The following NLK variants were observed in gnomAD, a reference collection of about 807,000 sequenced individuals.
NLK encodes the protein nemo like kinase, also known as serine/threonine-protein kinase NLK.
A neutral mutation model predicts 59.0 loss-of-function variants in NLK; 11 were observed. The ratio of observed to expected loss-of-function variants is 0.19; its 90% CI spans 0.12 to 0.31. The LOEUF (loss-of-function observed/expected upper bound fraction) is 0.31. Among genes scored for constraint, NLK ranks in the 10% least tolerant of loss-of-function variants. NLK has a pLI of 1.00. For missense variants in NLK, 410 were observed against 661.1 expected (o/e 0.62, Z 4.16); for synonymous variants, 235 against 235.9 (o/e 1.00, Z 0.03).
At chr17:28,135,074 T>A (rs753101167) in intron 3 of NLK, among the ~76,000 whole-genome samples, 11 of 152,228 alleles carry the variant, frequency 7.2e-5, no homozygotes, top group Non-Finnish European at 8.8e-5. Flanking sequence ...CTTTATTCTT[T>A]TTAGTTGGTG....
intron 5 of NLK, among the ~76,000 whole-genome samples, chr17:28,167,610 G>T (rs921744724): frequency 1.3e-5 from 2 of 151,422 alleles, no homozygotes; most frequent in African/African-American, 4.8e-5. Flanking sequence ...AGCACTTTGG[G>T]AGGCCAAGGC....
At chr17:28,172,726 A>AT (rs35713608) in intron 7 of NLK, 108 bp downstream of exon 7, 2,991 of 434,258 alleles carry the variant, frequency 6.9e-3, no homozygotes, top group East Asian at 8.4e-3. Context: ...TATCTGTAGG[A>AT]TTTTTTTTTT....
At chr17:28,170,563 A>G (rs1908420525) in intron 6 of NLK, among the ~76,000 whole-genome samples, 1 of 152,208 alleles carries the variant, frequency 6.6e-6, no homozygotes, top group Non-Finnish European at 1.5e-5. Context: ...TACTTAATCT[A>G]ATGTTGGGTA....
chr17:28,094,870 G>A (rs1204617143), intron 1 of NLK, among the ~76,000 whole-genome samples: 1 of 152,146 alleles, frequency 6.6e-6, no homozygotes, highest in Non-Finnish European at 1.5e-5. Context: ...CAAGACTCTT[G>A]TCTCCTTTCT....
intron 1 of NLK, among the ~76,000 whole-genome samples, chr17:28,055,459 C>G (rs1909408285): frequency 6.6e-6 from 1 of 151,958 alleles, no homozygotes. Flanking sequence ...ACCTCAGCCT[C>G]CTGAGTAGCT....
chr17:28,199,665 C>CAAAAAAAAAAAAAAAA (rs1303411168), downstream of NLK, among the ~76,000 whole-genome samples: 1 of 33,574 alleles, frequency 3.0e-5, no homozygotes, highest in African/African-American at 1.1e-4. Context: ...GACTCTGTCT[C>CAAAAAAAAAAAAAAAA]AAAAAAAAAA....
chr17:28,081,322 A>AC (rs944766813), intron 1 of NLK, among the ~76,000 whole-genome samples: 3 of 151,932 alleles, frequency 2.0e-5, no homozygotes, highest in Non-Finnish European at 4.4e-5. Flanking sequence ...AGTAACTGGG[A>AC]CTACAGGTGT....
At chr17:28,175,291 C>CA (rs199656478) in intron 7 of NLK, among the ~76,000 whole-genome samples, 494 of 141,090 alleles carry the variant, frequency 3.5e-3, no homozygotes, top group African/African-American at 8.7e-3. Context: ...TAAAAAAATA[C>CA]AAAAAAAAAA....
At chr17:28,152,960 A>AT (rs536352068) in intron 3 of NLK, among the ~76,000 whole-genome samples, 50 of 148,114 alleles carry the variant, frequency 3.4e-4, no homozygotes, top group Middle Eastern at 3.4e-3. Flanking sequence ...TTTATTTTTT[A>AT]TTTTTTTTTC....
chr17:28,162,217 G>A (rs550254764), intron 4 of NLK, among the ~76,000 whole-genome samples: 8 of 152,094 alleles, frequency 5.3e-5, no homozygotes, highest in Admixed American at 1.3e-4. Context: ...GGGTTTCACC[G>A]TATTAGCCAG....
intron 1 of NLK, among the ~76,000 whole-genome samples, chr17:28,045,136 G>T (rs1032823556): frequency 6.6e-6 from 1 of 152,178 alleles, no homozygotes; most frequent in African/African-American, 2.4e-5. Context: ...AGCCATTCTA[G>T]AGGTTTTTAA....
chr17:28,084,957 ACTAAT>A (rs1910464652), intron 1 of NLK, among the ~76,000 whole-genome samples: 1 of 152,204 alleles, frequency 6.6e-6, no homozygotes, highest in African/African-American at 2.4e-5. Flanking sequence ...TCAGTATATG[ACTAAT>A]CTAATTTTAG....
At chr17:28,159,824 G>A (rs1907930554) in intron 3 of NLK, among the ~76,000 whole-genome samples, 1 of 152,138 alleles carries the variant, frequency 6.6e-6, no homozygotes, top group Non-Finnish European at 1.5e-5. Context: ...GCAGTCTTGG[G>A]CCAGAGTAGT....
rs767770174 is a variant in NLK at position 28,172,630 on chromosome 17, G to A, written c.1149+12G>A. The stretch of plus-strand genomic sequence containing the variant: ...GTCCTCATAAACAGGTGAGAGGAGG[G>A]GGGAATCTTTTTCTGGTAACCATCT... On this transcript the variant is annotated intron_variant, in intron 7 of 10. Coordinates refer to ENST00000407008, the MANE Select transcript of NLK (RefSeq NM_016231.5). 5.5e-6 allele frequency: 8 copies of A among 1,457,640 alleles called. No individual in the cohort carries two copies. The highest frequency in any genetic ancestry group is 4.6e-6 in the Non-Finnish European group (5 of 1,083,822). The allele number at this position is 1,457,640 out of a possible 1,614,324, so 90.3% of individuals were successfully genotyped here.
At chr17:28,128,361 A>G (rs905565021) in intron 2 of NLK, among the ~76,000 whole-genome samples, 2 of 152,188 alleles carry the variant, frequency 1.3e-5, no homozygotes, top group African/African-American at 4.8e-5. Context: ...ACTTGTTCCC[A>G]TAAAATATTA....
At chr17:28,093,456 A>C (rs1253312143) in intron 1 of NLK, among the ~76,000 whole-genome samples, 1 of 152,152 alleles carries the variant, frequency 6.6e-6, no homozygotes, top group Non-Finnish European at 1.5e-5. Flanking sequence ...TAGGCATTCC[A>C]AGAGGAGTAA....
intron 1 of NLK, among the ~76,000 whole-genome samples, chr17:28,050,910 G>T (rs940698757): frequency 5.3e-5 from 8 of 151,860 alleles, no homozygotes; most frequent in Non-Finnish European, 1.2e-4. Context: ...TTCGAGACCA[G>T]CCTGGACAAC....
rs772809286 is a variant in NLK, at chr17:28,092,280, G to GAAGGAAAGGT, written c.459-30314_459-30305dup. 3.4e-3 allele frequency among the ~76,000 whole-genome samples: 511 copies of GAAGGAAAGGT among 151,766 alleles called. 2 individuals are homozygous for GAAGGAAAGGT. Among genetic ancestry groups the GAAGGAAAGGT allele is most frequent in the African/African-American group, 0.012 (483 of 41,306 alleles). ...AAGAAAAGGCGGGGGGGTGGGGGGAGAAGGAAAGGTAAGGAAAGCCTACTC... is the reference window on the plus strand; with the variant it reads ...AAGAAAAGGCGGGGGGGTGGGGGGAGAAGGAAAGGTAAGGAAAGGTAAGGAAAGCCTACTC... On this transcript the variant is annotated intron_variant, in intron 1 of 10. Coordinates refer to ENST00000407008, the MANE Select transcript of NLK (RefSeq NM_016231.5).
chr17:28,111,906 T>TG lies in NLK; in HGVS notation c.459-10696dup, dbSNP rs1265492393. On this transcript the variant is annotated intron_variant, in intron 1 of 10. Transcript: ENST00000407008. ...TGTGTGTGTGTGTGTGGTGTGTGTG[T>TG]GTGTGTGTGTGTGTGTGTGTGTGTG... is the stretch of plus-strand genomic sequence containing the variant. 5.9e-5 allele frequency among the ~76,000 whole-genome samples: 8 copies of TG among 135,738 alleles called. No individual in the cohort carries two copies. In the South Asian group the frequency reaches 1.9e-3, roughly 32 times the overall value. The allele number at this position is 135,738 out of a possible 152,430, so 89.0% of individuals were successfully genotyped here. A position where few individuals can be genotyped will look rare whatever the true frequency, so the allele number is the denominator to read the frequency against.
Sources: allele counts gnomAD v4.1 joint callset (sites outside exome capture counted in the v4.1 genomes callset), GRCh38; gene constraint gnomAD v4.1.1; transcripts MANE v1.5; gene names NCBI Gene and HGNC (gene_info 2026-07-23, HGNC 2026-07-21).